The following TMEFF2 variants were observed in gnomAD, a reference collection of about 807,000 sequenced individuals.
TMEFF2 encodes tomoregulin-2.
A neutral mutation model predicts 53.8 loss-of-function variants in TMEFF2; 28 were observed. The ratio of observed to expected loss-of-function variants is 0.52; its 90% CI spans 0.39 to 0.71. TMEFF2 has a LOEUF of 0.71. TMEFF2 is among the 30% of genes least tolerant of loss of function. The pLI is 0.00. For synonymous variants in TMEFF2, 162 were observed against 166.3 expected (o/e 0.97, Z 0.20); for missense variants, 353 against 455.2 (o/e 0.78, Z 2.04).
intron 2 of TMEFF2, among the ~76,000 whole-genome samples, chr2:192,185,797 G>A (rs983518734): frequency 5.9e-5 from 9 of 151,854 alleles, no homozygotes; most frequent in Admixed American, 1.3e-4. Flanking sequence ...TATAATAATA[G>A]CTTAATTATC....
At position 192,191,866 on chromosome 2, in the gene TMEFF2, A is replaced by G. The variant is rs964399040; in HGVS notation, c.282+14T>C. The G allele has an allele frequency of 2.6e-6, 4 of 1,554,842 alleles. No homozygotes were observed. Among genetic ancestry groups the G allele is most frequent in the Admixed American group, 1.7e-5 (1 of 59,850 alleles). On this transcript the variant is annotated intron_variant, in intron 2 of 9. Coordinates refer to ENST00000272771, the MANE Select transcript of TMEFF2 (RefSeq NM_016192.4). ...CATTAATGAATTAGAAGATGCAAAT[A>G]TAAGACTTCTTACCTTGAACTGACA...
chr2:192,037,701 T>C (rs757695058), intron 5 of TMEFF2, among the ~76,000 whole-genome samples: 7 of 152,002 alleles, frequency 4.6e-5, no homozygotes, highest in Admixed American at 6.5e-5. Context: ...TTATCTGTTA[T>C]AGCATTTGAT....
At position 191,992,663 on chromosome 2, in the gene TMEFF2, TTC is replaced by T. The variant is rs1273519375; in HGVS notation, c.745+5597_745+5598del. The T allele has an allele frequency of 6.2e-4, 95 of 152,244 alleles. 1 individual carries two copies. The highest frequency in any genetic ancestry group is 2.2e-3 in the African/African-American group (90 of 41,568). The allele number at this position is 152,244 out of a possible 1,614,324, so 9.4% of individuals were successfully genotyped here. On this transcript the variant is annotated intron_variant, in intron 7 of 9. Transcript: ENST00000272771. ...CACAATATGGCTAAAAATTTTTACT[TTC>T]TGTTTATTTTTATTTTTTTATTAAT...
At chr2:191,965,925 A>G (rs1692457212) in intron 7 of TMEFF2, among the ~76,000 whole-genome samples, 1 of 151,696 alleles carries the variant, frequency 6.6e-6, no homozygotes, top group Admixed American at 6.6e-5. Flanking sequence ...ATTATTGTTT[A>G]CTTGTCTGTG....
chr2:192,068,409 G>A (rs548579116), intron 4 of TMEFF2, among the ~76,000 whole-genome samples: 9 of 151,918 alleles, frequency 5.9e-5, no homozygotes, highest in African/African-American at 2.2e-4. Context: ...AACAAAAACA[G>A]ATAAAAATAT....
intron 4 of TMEFF2, among the ~76,000 whole-genome samples, chr2:192,123,284 G>C (rs1689601394): frequency 6.6e-6 from 1 of 152,062 alleles, no homozygotes; most frequent in African/African-American, 2.4e-5. Flanking sequence ...CTGTACTTCT[G>C]ATATGATGTG....
intron 7 of TMEFF2, among the ~76,000 whole-genome samples, chr2:191,997,667 T>C (rs1056377278): frequency 2.6e-5 from 4 of 151,652 alleles, no homozygotes; most frequent in Non-Finnish European, 4.4e-5. Context: ...AGAGACATTC[T>C]TCAAAGTGAA....
intron 7 of TMEFF2, among the ~76,000 whole-genome samples, chr2:191,964,421 TTTC>T (rs1692409694): frequency 7.5e-6 from 1 of 133,240 alleles, no homozygotes; most frequent in Non-Finnish European, 1.6e-5. Context: ...TCTTTCTTTC[TTTC>T]TTTCTTTCTT....
intron 3 of TMEFF2, among the ~76,000 whole-genome samples, chr2:192,180,562 G>A (rs1415891410): frequency 6.6e-6 from 1 of 151,628 alleles, no homozygotes; most frequent in Non-Finnish European, 1.5e-5. Context: ...TTAATACAGG[G>A]AAATAAGATT....
chr2:192,182,465 A>G (rs1439833781), intron 3 of TMEFF2, among the ~76,000 whole-genome samples: 1 of 152,016 alleles, frequency 6.6e-6, no homozygotes, highest in Non-Finnish European at 1.5e-5. Context: ...TGAGCTAAAG[A>G]TGGATTACTC....
At chr2:192,004,009 T>C (rs1193020347) in intron 5 of TMEFF2, among the ~76,000 whole-genome samples, 1 of 152,030 alleles carries the variant, frequency 6.6e-6, no homozygotes, top group Non-Finnish European at 1.5e-5. Flanking sequence ...ACCTCTACTT[T>C]TCTGCAACCT....
intron 5 of TMEFF2, among the ~76,000 whole-genome samples, chr2:192,001,477 T>C (rs867310076): frequency 6.6e-6 from 1 of 152,126 alleles, no homozygotes; most frequent in Non-Finnish European, 1.5e-5. Context: ...CAGAAAGTAA[T>C]TGGCAGTTCA....
At chr2:192,168,274 A>G (rs1690819320) in intron 4 of TMEFF2, among the ~76,000 whole-genome samples, 1 of 152,268 alleles carries the variant, frequency 6.6e-6, no homozygotes, top group Admixed American at 6.5e-5. Flanking sequence ...TATGAACTTT[A>G]TCATAAATTT....
chr2:192,007,409 C>A (rs1686524198), intron 5 of TMEFF2, among the ~76,000 whole-genome samples: 1 of 152,072 alleles, frequency 6.6e-6, no homozygotes, highest in African/African-American at 2.4e-5. Context: ...TTGTTTAATG[C>A]TCATAAGATA....
chr2:191,981,101 G>T (rs1685842590), intron 7 of TMEFF2, among the ~76,000 whole-genome samples: 1 of 151,108 alleles, frequency 6.6e-6, no homozygotes. Context: ...TAAAAAATAC[G>T]ACATGATTTA....
chr2:191,960,909 G>A (rs958350029), intron 7 of TMEFF2, among the ~76,000 whole-genome samples: 3 of 152,136 alleles, frequency 2.0e-5, no homozygotes, highest in Non-Finnish European at 2.9e-5. Context: ...GACTGTTAAT[G>A]TATATCGGTT....
Position 192,194,631 on chromosome 2 carries a change from C to T in TMEFF2, c.-107G>A, listed in dbSNP as rs977398572. ...ATCCCGCGGACGGCGGCAGCAGAGG[C>T]GGCGGCGGTGGCAGTGGCACCCGGC... On this transcript the variant is annotated 5_prime_UTR_variant, in exon 1 of 10. Transcript: ENST00000272771. This position sits in a 1 kb window ranked among gnomAD's most constrained non-coding sequence, Gnocchi z 4.2. 4.3e-5 allele frequency: 58 copies of T among 1,357,176 alleles called. No individual in the cohort carries two copies. The highest frequency in any genetic ancestry group is 5.6e-5 in the Non-Finnish European group (56 of 993,678). 84.1% of individuals were successfully genotyped at this position (1,357,176 alleles called of 1,614,324 possible).
At chr2:192,133,057 A>G (rs200699366) in intron 4 of TMEFF2, among the ~76,000 whole-genome samples, 4,062 of 152,108 alleles carry the variant, frequency 0.027, 119 homozygotes, top group African/African-American at 0.077. Context: ...TAACTGTTGT[A>G]GGTATTGACG....
rs756228861 is a variant in TMEFF2, at chr2:192,026,655, AAC to A, written c.537-27449_537-27448del. ...TTGAGTGCATAAACAAGACTGACAA[AAC>A]AGTTTTTCTTAAATGGCACACTGAT... On this transcript the variant is annotated intron_variant, in intron 5 of 9. Transcript: ENST00000272771. 3.3e-5 allele frequency among the ~76,000 whole-genome samples: 5 copies of A among 152,270 alleles called. No individual in the cohort carries two copies. In the East Asian group the frequency reaches 7.7e-4, roughly 24 times the overall value.
Sources: gnomAD v4.1 joint callset for allele counts (sites outside exome capture counted in the v4.1 genomes callset) on GRCh38, gnomAD v4.1.1 for gene constraint, Gnocchi (gnomAD v3.1) non-coding constraint, MANE v1.5 for transcripts, NCBI Gene and HGNC (gene_info 2026-07-23, HGNC 2026-07-21) for gene names.